Variants in PLD5 observed in about 807,000 individuals in gnomAD.
PLD5 encodes the protein phospholipase D family member 5.
PLD5 carries 36 observed loss-of-function variants against 61.1 expected under a neutral mutation model. That is an observed-to-expected ratio of 0.59 (90% CI 0.45 to 0.78). The LOEUF (loss-of-function observed/expected upper bound fraction) is 0.78. Ranked by LOEUF, PLD5 falls within the 30% of genes least tolerant of loss-of-function variation. PLD5 has a pLI of 0.00. For missense variants in PLD5, 515 were observed against 644.4 expected (o/e 0.80, Z 2.17); for synonymous variants, 243 against 242.8 (o/e 1.00, Z -0.01).
At chr1:242,450,115 C>G (rs1333073406) in intron 1 of PLD5, among the ~76,000 whole-genome samples, 1 of 152,186 alleles carries the variant, frequency 6.6e-6, no homozygotes, top group East Asian at 1.9e-4. Flanking sequence ...CCACGGGGCT[C>G]TTTGCTTTTC....
chr1:242,174,060 A>C (rs1666950999), intron 5 of PLD5, among the ~76,000 whole-genome samples: 1 of 152,214 alleles, frequency 6.6e-6, no homozygotes, highest in African/African-American at 2.4e-5. Flanking sequence ...GATCTAATTA[A>C]ACTAAAGAGC....
rs375778491 is a variant in PLD5 at position 242,389,566 on chromosome 1, G to T, written c.190-41324C>A. Among the ~76,000 whole-genome samples the T allele has an allele frequency of 1.3e-4, 19 of 149,124 alleles. No homozygotes were observed. The East Asian group carries it at 2.5e-3, about 20-fold the overall frequency. ...AAATAAAACTCTCAAATACTCTGAGGGGGGGAAAATCTGTTTAAGGTTTTC... is the reference window on the plus strand; with the variant it reads ...AAATAAAACTCTCAAATACTCTGAGTGGGGGAAAATCTGTTTAAGGTTTTC... On this transcript the variant is annotated intron_variant, in intron 1 of 9. Coordinates refer to ENST00000536534, the MANE Select transcript of PLD5 (RefSeq NM_001372062.1).
At chr1:242,172,556 A>C (rs997654235) in intron 5 of PLD5, among the ~76,000 whole-genome samples, 4 of 152,172 alleles carry the variant, frequency 2.6e-5, no homozygotes, top group Non-Finnish European at 5.9e-5. Context: ...ATAGAGACAC[A>C]AAAAACCCTT....
chr1:242,491,373 G>A lies in PLD5; in HGVS notation c.189+32715C>T, dbSNP rs865923186. Among the ~76,000 whole-genome samples the A allele has an allele frequency of 2.0e-5, 3 of 152,144 alleles. No homozygotes were observed. The South Asian group carries it at 6.2e-4, about 32-fold the overall frequency. ...ACAGAGATATGTATAATAGATACAT[G>A]AAGAAACGTGTGCATGTGCGCACAC... On this transcript the variant is annotated intron_variant, in intron 1 of 9. Coordinates refer to ENST00000536534, the MANE Select transcript of PLD5 (RefSeq NM_001372062.1).
At chr1:242,301,871 G>A (rs1313632035) in intron 2 of PLD5, among the ~76,000 whole-genome samples, 6 of 151,626 alleles carry the variant, frequency 4.0e-5, no homozygotes, top group Non-Finnish European at 5.9e-5. Flanking sequence ...TCCACCTCCC[G>A]GGTTCAAGCA....
At chr1:242,307,730 G>A (rs1676462595) in intron 2 of PLD5, among the ~76,000 whole-genome samples, 1 of 152,058 alleles carries the variant, frequency 6.6e-6, no homozygotes, top group Admixed American at 6.5e-5. Flanking sequence ...ATAAACATTT[G>A]CGAGTCAGGC....
chr1:242,486,886 A>T (rs1268632504), intron 1 of PLD5, among the ~76,000 whole-genome samples: 2 of 152,184 alleles, frequency 1.3e-5, no homozygotes, highest in African/African-American at 4.8e-5. Flanking sequence ...CAGCCATAAA[A>T]AAGGATGAGT....
intron 2 of PLD5, among the ~76,000 whole-genome samples, chr1:242,340,963 G>C (rs1659797805): frequency 6.6e-6 from 1 of 151,846 alleles, no homozygotes; most frequent in Admixed American, 6.6e-5. Flanking sequence ...AATACCCTTG[G>C]ACGACAATAT....
At position 242,404,875 on chromosome 1, in the gene PLD5, A is replaced by ATTTTTTTTTTTTTTTTTTTTTTT. The variant is rs11361107; in HGVS notation, c.190-56634_190-56633insAAAAAAAAAAAAAAAAAAAAAAA. Among the ~76,000 whole-genome samples the ATTTTTTTTTTTTTTTTTTTTTTT allele has an allele frequency of 7.3e-4, 55 of 75,392 alleles. 6 individuals carry two copies. The highest frequency in any genetic ancestry group is 0.012 in the Middle Eastern group (1 of 82). 49.5% of individuals were successfully genotyped at this position (75,392 alleles called of 152,430 possible). The stretch of plus-strand genomic sequence containing the variant: ...CATGCCTCTTATCTGTTCCCTGCTA[A>ATTTTTTTTTTTTTTTTTTTTTTT]TTTTTTTTTTTTTTTTTTTTTTGAG... On this transcript the variant is annotated intron_variant, in intron 1 of 9. Transcript: ENST00000536534.
chr1:242,243,466 G>A (rs1166439137), intron 4 of PLD5, among the ~76,000 whole-genome samples: 1 of 152,214 alleles, frequency 6.6e-6, no homozygotes, highest in Non-Finnish European at 1.5e-5. Context: ...CATAATTCAG[G>A]AAGAGATATT....
At chr1:242,312,873 G>T (rs922804817) in intron 2 of PLD5, among the ~76,000 whole-genome samples, 1 of 152,140 alleles carries the variant, frequency 6.6e-6, no homozygotes, top group African/African-American at 2.4e-5. Flanking sequence ...TATTTGCTTC[G>T]TTCTTATAAA....
chr1:242,452,632 A>T (rs1256254018), intron 1 of PLD5, among the ~76,000 whole-genome samples: 2 of 152,146 alleles, frequency 1.3e-5, no homozygotes, highest in African/African-American at 4.8e-5. Flanking sequence ...CCTAGGCAAC[A>T]CGGTGAAACT....
intron 8 of PLD5, 127 bp from the exon 9 acceptor site, chr1:242,100,909 C>A (rs774130922): frequency 9.4e-6 from 6 of 636,074 alleles, no homozygotes; most frequent in Non-Finnish European, 1.6e-5. Flanking sequence ...AAGCCATAAT[C>A]TTATTACCTC....
At chr1:242,238,976 C>A (rs1671820684) in intron 4 of PLD5, among the ~76,000 whole-genome samples, 1 of 152,100 alleles carries the variant, frequency 6.6e-6, no homozygotes, top group Non-Finnish European at 1.5e-5. Flanking sequence ...ATACCTGGAG[C>A]TGCCTCAGGC....
chr1:242,340,801 T>C (rs1298310662), intron 2 of PLD5, among the ~76,000 whole-genome samples: 1 of 152,184 alleles, frequency 6.6e-6, no homozygotes, highest in Non-Finnish European at 1.5e-5. Context: ...CACATGCTTA[T>C]GTCTGGAATA....
rs116009996 is a variant in PLD5 at position 242,497,055 on chromosome 1, G to A, written c.189+27033C>T. The stretch of plus-strand genomic sequence containing the variant: ...CAGTTGGAAGGGGTCCCAGGAGACC[G>A]GAGACCTCATACAAATCCAGGAGCT... On this transcript the variant is annotated intron_variant, in intron 1 of 9. Transcript: ENST00000536534. Among the ~76,000 whole-genome samples, 849 of 152,256 alleles carry A rather than the reference G, an allele frequency of 5.6e-3. 6 individuals carry two copies. The highest frequency in any genetic ancestry group is 0.019 in the African/African-American group (800 of 41,542).
intron 5 of PLD5, among the ~76,000 whole-genome samples, chr1:242,186,770 C>T (rs994142933): frequency 6.6e-6 from 1 of 152,162 alleles, no homozygotes; most frequent in Non-Finnish European, 1.5e-5. Context: ...AGAAACTAGG[C>T]TTTCAAAGAT....
intron 1 of PLD5, among the ~76,000 whole-genome samples, chr1:242,454,388 T>C (rs1158681081): frequency 1.3e-5 from 2 of 150,968 alleles, no homozygotes; most frequent in Non-Finnish European, 2.9e-5. Flanking sequence ...CTAACAGTCA[T>C]AAAGCATGTA....
chr1:242,470,974 T>C (rs1444594503), intron 1 of PLD5, among the ~76,000 whole-genome samples: 1 of 152,228 alleles, frequency 6.6e-6, no homozygotes, highest in Non-Finnish European at 1.5e-5. Context: ...TGGCCAGGTC[T>C]CTGGCACGAA....
Sources: allele counts gnomAD v4.1 joint callset (sites outside exome capture counted in the v4.1 genomes callset), GRCh38; gene constraint gnomAD v4.1.1; transcripts MANE v1.5; gene names NCBI Gene and HGNC (gene_info 2026-07-23, HGNC 2026-07-21).